CRELD2: variants seen among roughly 807,000 people sequenced by gnomAD.
CRELD2 encodes the protein CRELD disulfide isomerase 2.
CRELD2 carries 33 observed loss-of-function variants against 48.1 expected under a neutral mutation model. The ratio of observed to expected loss-of-function variants is 0.69; its 90% CI spans 0.52 to 0.92. The LOEUF is 0.92. Ranked by LOEUF, CRELD2 falls within the 40% of genes least tolerant of loss-of-function variation. CRELD2 has a pLI of 0.00. For missense variants in CRELD2, 477 were observed against 482.4 expected (o/e 0.99, Z 0.10); for synonymous variants, 220 against 203.9 (o/e 1.08, Z -0.67).
chr22:49,920,483 C>T (rs970991658), intron 4 of CRELD2, among the ~76,000 whole-genome samples: 3 of 152,232 alleles, frequency 2.0e-5, no homozygotes, highest in African/African-American at 7.2e-5. Flanking sequence ...AGTATGTCTT[C>T]CCAGCTGTGC....
chr22:49,921,249 A>C (rs1232436348), intron 4 of CRELD2: 1 of 293,974 alleles, frequency 3.4e-6, no homozygotes, highest in Non-Finnish European at 6.4e-6. Flanking sequence ...GTAATGAGGC[A>C]CATTGTGATG....
rs773915240 is a variant in CRELD2, at chr22:49,925,475, C to T, written c.927C>T (p.Tyr309=). 5 of 1,613,894 alleles carry T rather than the reference C, an allele frequency of 3.1e-6. No homozygotes were observed. The African/African-American group carries it at 4.0e-5, about 13-fold the overall frequency. The change falls in exon 9 of 10, where the codon TAC becomes TAT. Residue 309 remains tyrosine, a synonymous_variant. Transcript: ENST00000328268. ...GTGTGAGGAAAAACGAAAACTGCTA[C>T]AATACTCCAGGGAGCTACGTCTGTG... ...KTCVRKNENC[Y]NTPGSYVCVC...
chr22:49,918,768 C>T lies in CRELD2; in HGVS notation c.-2C>T, dbSNP rs2060640678. 8.6e-7 allele frequency: 1 copy of T among 1,163,008 alleles called. No individual in the cohort carries two copies. Among genetic ancestry groups the T allele is most frequent in the Non-Finnish European group, 1.1e-6 (1 of 900,564 alleles). The allele number at this position is 1,163,008 out of a possible 1,614,324, so 72.0% of individuals were successfully genotyped here. ...CTGCGTCTTCCCGCAGCGCTACCCG[C>T]CATGCGCCTGCCGCGCCGGGCCGCG... On this transcript the variant is annotated 5_prime_UTR_variant, in exon 1 of 10. Coordinates refer to ENST00000328268, the MANE Select transcript of CRELD2 (RefSeq NM_024324.5).
At chr22:49,925,303 C>T in intron 8 of CRELD2, 114 bp from the exon 9 acceptor site, 2 of 749,904 alleles carry the variant, frequency 2.7e-6, no homozygotes, top group Non-Finnish European at 4.5e-6. Flanking sequence ...TGTAACGTGA[C>T]GTTTGTCATC....
At chr22:49,921,193 C>T (rs1037466332) in intron 4 of CRELD2, 35 of 188,300 alleles carry the variant, frequency 1.9e-4, no homozygotes, top group Admixed American at 1.4e-3. Flanking sequence ...GGCCATTTGG[C>T]ACGTGGTAAG....
In CRELD2 at chr22:49,925,525, C is replaced by T. The variant is rs747745180; in HGVS notation, c.977C>T (p.Thr326Met). The part of the protein sequence containing the change: ...VCVCPDGFEE[T>M]EDACVPPAEA... ...GTGTGTCCTGACGGCTTCGAAGAAA[C>T]GGAAGATGCCTGTGTGCCGCCGGCA... The change falls in exon 9 of 10, where the codon ACG becomes ATG. Residue 326 changes from threonine (T) to methionine (M), a missense_variant. Transcript: ENST00000328268. 9.9e-6 allele frequency: 16 copies of T among 1,613,758 alleles called. No homozygotes were observed. Among genetic ancestry groups the T allele is most frequent in the Admixed American group, 6.7e-5 (4 of 60,008 alleles).
Position 49,927,196 on chromosome 22 carries a change from G to T in CRELD2, c.1010-59G>T, listed in dbSNP as rs2060777128. 2.1e-6 allele frequency: 3 copies of T among 1,448,184 alleles called. No individual in the cohort carries two copies. In the South Asian group the frequency reaches 3.4e-5, roughly 17 times the overall value. The allele number at this position is 1,448,184 out of a possible 1,614,324, so 89.7% of individuals were successfully genotyped here. On this transcript the variant is annotated intron_variant, in intron 9 of 9. Coordinates refer to ENST00000328268, the MANE Select transcript of CRELD2 (RefSeq NM_024324.5). ...CACATGCGCTGCTGTCCTGGGAAAGGCCTCATCCCCAGGGCCCTTTGTGCT... is the reference window on the plus strand; with the variant it reads ...CACATGCGCTGCTGTCCTGGGAAAGTCCTCATCCCCAGGGCCCTTTGTGCT...
intron 5 of CRELD2, chr22:49,922,206 G>A (rs1184289552): frequency 3.6e-6 from 5 of 1,400,958 alleles, no homozygotes; most frequent in Non-Finnish European, 2.9e-6. Flanking sequence ...TGAGTGTGTG[G>A]TTGGCCGGCA....
In CRELD2 at chr22:49,927,205, C is replaced by T. The variant is rs199838437; in HGVS notation, c.1010-50C>T. On this transcript the variant is annotated intron_variant, in intron 9 of 9. Coordinates refer to ENST00000328268, the MANE Select transcript of CRELD2 (RefSeq NM_024324.5). ...TGCTGTCCTGGGAAAGGCCTCATCC[C>T]CAGGGCCCTTTGTGCTCAGCCTTGA... 2.6e-6 allele frequency: 4 copies of T among 1,547,928 alleles called. No individual in the cohort carries two copies. The Admixed American group carries it at 6.7e-5, about 26-fold the overall frequency.
At chr22:49,920,344 C>A in intron 4 of CRELD2, 97 bp downstream of exon 4, 1 of 831,594 alleles carries the variant, frequency 1.2e-6, no homozygotes, top group Non-Finnish European at 1.9e-6. Flanking sequence ...ACCTGGGGTG[C>A]ATCAGCTTTC....
At position 49,920,263 on chromosome 22, in the gene CRELD2, G is replaced by A; in HGVS notation, c.415+16G>A. Reference sequence around the variant, plus strand: ...GACTGTCTCGGTGCGTTTCTCCTCAGGGAAATCCCATCTCCTACGTCACTT... The same window carrying A: ...GACTGTCTCGGTGCGTTTCTCCTCAAGGAAATCCCATCTCCTACGTCACTT... On this transcript the variant is annotated intron_variant, in intron 4 of 9. Transcript: ENST00000328268. The A allele has an allele frequency of 6.4e-7, 1 of 1,560,224 alleles. No individual in the cohort carries two copies. The highest frequency in any genetic ancestry group is 1.7e-4 in the Middle Eastern group (1 of 5,940).
chr22:49,921,783 G>T, intron 5 of CRELD2, 22 bp downstream of exon 5: 1 of 1,592,260 alleles, frequency 6.3e-7, no homozygotes, highest in Non-Finnish European at 8.6e-7. Context: ...GCCTGGGCTG[G>T]CCCCGGGGTT....
chr22:49,925,786 C>T (rs1308200632), intron 9 of CRELD2: 16 of 1,354,368 alleles, frequency 1.2e-5, no homozygotes, highest in South Asian at 3.3e-5. Flanking sequence ...GAAGTTCAGG[C>T]GATGAAGGGG....
At chr22:49,923,097 C>G in intron 6 of CRELD2, 137 bp from the exon 7 acceptor site, 1 of 653,160 alleles carries the variant, frequency 1.5e-6, no homozygotes. Context: ...TGAGATGATT[C>G]CTCCTCAGGG....
At position 49,927,276 on chromosome 22, in the gene CRELD2, C is replaced by T. The variant is rs761366364; in HGVS notation, c.1031C>T (p.Pro344Leu). 1.5e-5 allele frequency: 24 copies of T among 1,612,304 alleles called. No individual in the cohort carries two copies. The highest frequency in any genetic ancestry group is 6.7e-5 in the Admixed American group (4 of 59,974). Residue 344 changes from proline to leucine, a missense_variant, in exon 10 of 10, where the codon CCG (proline) becomes CTG (leucine). Physicochemically the swap from Pro to Leu is moderately conservative, Grantham distance 98. Coordinates refer to ENST00000328268, the MANE Select transcript of CRELD2 (RefSeq NM_024324.5). The stretch of plus-strand genomic sequence containing the variant: ...ACAGAAGCCACAGAAGGAGAAAGCC[C>T]GACACAGCTGCCCTCCCGCGAAGAC... Reference protein sequence around the residue: ...AEAEATEGESPTQLPSREDL With the variant: ...AEAEATEGESLTQLPSREDL
Position 49,922,266 on chromosome 22 carries a change from C to T in CRELD2, c.593-346C>T, listed in dbSNP as rs201464579. On this transcript the variant is annotated intron_variant, in intron 5 of 9. Coordinates refer to ENST00000328268, the MANE Select transcript of CRELD2 (RefSeq NM_024324.5). ...AGACCCGTGGATCGATAGTCAGGAC[C>T]GGCCTCTCCGATTCTTACGCCCCTC... 3.8e-5 allele frequency: 54 copies of T among 1,421,158 alleles called. 1 individual carries two copies. Among genetic ancestry groups the T allele is most frequent in the African/African-American group, 7.7e-5 (5 of 65,336 alleles). 88.0% of individuals were successfully genotyped at this position (1,421,158 alleles called of 1,614,324 possible). A position where few individuals can be genotyped will look rare whatever the true frequency, so the allele number is the denominator to read the frequency against.
In CRELD2 at chr22:49,925,474, A is replaced by G; in HGVS notation, c.926A>G (p.Tyr309Cys). ...TGTGTGAGGAAAAACGAAAACTGCT[A>G]CAATACTCCAGGGAGCTACGTCTGT... ...KTCVRKNENC[Y>C]NTPGSYVCVC... Residue 309 changes from tyrosine (Y) to cysteine (C), a missense_variant, in exon 9 of 10, where the codon TAC becomes TGC. Coordinates refer to ENST00000328268, the MANE Select transcript of CRELD2 (RefSeq NM_024324.5). The G allele has an allele frequency of 1.2e-6, 2 of 1,614,008 alleles. No individual in the cohort carries two copies. The highest frequency in any genetic ancestry group is 1.1e-5 in the South Asian group (1 of 91,080).
chr22:49,924,443 G>A lies in CRELD2; in HGVS notation c.856G>A (p.Gly286Arg), dbSNP rs115155882. The A allele has an allele frequency of 2.4e-5, 39 of 1,606,726 alleles. No homozygotes were observed. Among genetic ancestry groups the A allele is most frequent in the Middle Eastern group, 3.3e-4 (2 of 6,040 alleles). ...ECISGYAREH[G>R]QCADVDECSL... Reference sequence around the variant, plus strand: ...TATCTCTGGCTACGCGAGGGAGCACGGACAGTGTGCAGGTCAGTGACGGGG... The same window carrying A: ...TATCTCTGGCTACGCGAGGGAGCACAGACAGTGTGCAGGTCAGTGACGGGG... Residue 286 changes from glycine (G) to arginine (R), a missense_variant, in exon 8 of 10, where the codon GGA becomes AGA. By Grantham distance (125) the Gly-to-Arg change is moderately radical. Transcript: ENST00000328268.
At chr22:49,921,491 T>A (rs1055780812) in intron 4 of CRELD2, 94 bp from the exon 5 acceptor site, 3 of 1,314,034 alleles carry the variant, frequency 2.3e-6, no homozygotes, top group African/African-American at 1.5e-5. Flanking sequence ...CTCAGAATCG[T>A]ACAGGGTTTG....
Sources: gnomAD v4.1 joint callset for allele counts (sites outside exome capture counted in the v4.1 genomes callset) on GRCh38, gnomAD v4.1.1 for gene constraint, MANE v1.5 for transcripts, NCBI Gene and HGNC (gene_info 2026-07-23, HGNC 2026-07-21) for gene names.